The following TSHR variants were observed in gnomAD, a reference collection of about 807,000 sequenced individuals.
TSHR encodes the protein thyroid stimulating hormone receptor.
TSHR carries 51 observed loss-of-function variants against 64.1 expected under a neutral mutation model. That is an observed-to-expected ratio of 0.80 (90% CI 0.64 to 1.01). The LOEUF is 1.01. Ranked by LOEUF, TSHR falls within the 50% of genes least tolerant of loss-of-function variation. TSHR has a pLI of 0.00. For missense variants in TSHR, 877 were observed against 942.8 expected, an observed-to-expected ratio of 0.93 and a Z score of 0.91; for synonymous variants, 361 against 361.9, an observed-to-expected ratio of 1.00 and a Z score of 0.03.
intron 8 of TSHR, among the ~76,000 whole-genome samples, chr14:81,134,374 G>A (rs181881027): frequency 2.0e-5 from 3 of 152,158 alleles, no homozygotes; most frequent in Non-Finnish European, 4.4e-5. Context: ...AACCTCAGGT[G>A]ATCCACCCGC....
rs1258291030 is a variant in TSHR, at chr14:81,103,433, A to G, written c.615-4942A>G. ...TCCCCTATCATTCCACTTCATGACA[A>G]TTTACTGAAATTAGCAGATCGACCT... On this transcript the variant is annotated intron_variant, in intron 7 of 9. Coordinates refer to ENST00000298171, the MANE Select transcript of TSHR (RefSeq NM_000369.5). This position sits in a 1 kb window ranked among gnomAD's most constrained non-coding sequence, Gnocchi z 4.1. The G allele has an allele frequency of 1.0e-6, 1 of 985,310 alleles. No individual in the cohort carries two copies. The highest frequency in any genetic ancestry group is 1.2e-6 in the Non-Finnish European group (1 of 829,946). 61.0% of individuals were successfully genotyped at this position (985,310 alleles called of 1,614,324 possible). A position where few individuals can be genotyped will look rare whatever the true frequency, so the allele number is the denominator to read the frequency against.
Position 81,114,203 on chromosome 14 carries a change from G to A in TSHR, c.692+5751G>A, listed in dbSNP as rs546504643. 2.5e-4 allele frequency among the ~76,000 whole-genome samples: 38 copies of A among 151,730 alleles called. No individual in the cohort carries two copies. The East Asian group carries it at 3.9e-3, about 15-fold the overall frequency. Reference sequence around the variant, plus strand: ...AAGATGGCCGAATAGGAACAGCTCCGGTCTACAGCTCCCAGCGTCAGCGAC... The same window carrying A: ...AAGATGGCCGAATAGGAACAGCTCCAGTCTACAGCTCCCAGCGTCAGCGAC... On this transcript the variant is annotated intron_variant, in intron 8 of 9. Transcript: ENST00000298171.
Position 81,103,169 on chromosome 14 carries a change from A to C in TSHR, c.615-5206A>C. ...CTATAGGTGAAGGAAAGAAAGGTCA[A>C]GGTTCCATGGTAATAATAAAATAGT... On this transcript the variant is annotated intron_variant, in intron 7 of 9. Transcript: ENST00000298171. The surrounding 1 kb of genome is among the most constrained non-coding windows in gnomAD (Gnocchi z 4.1). 2 of 985,474 alleles carry C rather than the reference A, an allele frequency of 2.0e-6. No individual in the cohort carries two copies. The highest frequency in any genetic ancestry group is 2.4e-6 in the Non-Finnish European group (2 of 829,940). 61.0% of individuals were successfully genotyped at this position (985,474 alleles called of 1,614,324 possible). A position where few individuals can be genotyped will look rare whatever the true frequency, so the allele number is the denominator to read the frequency against.
chr14:81,088,802 T>G (rs978983918), intron 4 of TSHR, among the ~76,000 whole-genome samples: 65 of 152,268 alleles, frequency 4.3e-4, no homozygotes, highest in African/African-American at 1.4e-3. Context: ...TTCATCTTCA[T>G]CCAGACCTTC....
At chr14:80,993,613 TAATG>T (rs1174366248) in intron 1 of TSHR, 2 of 152,160 alleles carry the variant, frequency 1.3e-5, no homozygotes, top group Admixed American at 1.3e-4. Context: ...AAAACAAAAA[TAATG>T]TAAGGGCAAA....
rs565306359 is a variant in TSHR at position 81,026,992 on chromosome 14, C to T, written c.171-35156C>T. 2.2e-3 allele frequency among the ~76,000 whole-genome samples: 331 copies of T among 149,600 alleles called. 1 individual carries two copies. The highest frequency in any genetic ancestry group is 3.8e-3 in the Non-Finnish European group (254 of 67,612). ...CGGAGGTTGCAGTGAGCCAAGATCA[C>T]GCCACTGCACTCCAGCCTGGGCAAC... On this transcript the variant is annotated intron_variant, in intron 1 of 9. Transcript: ENST00000298171.
chr14:81,025,407 T>C (rs1293434670), intron 1 of TSHR, among the ~76,000 whole-genome samples: 1 of 152,146 alleles, frequency 6.6e-6, no homozygotes, highest in Non-Finnish European at 1.5e-5. Context: ...AAAGATAGAC[T>C]TGAACCCTAA....
chr14:80,994,178 T>G (rs1888885812), intron 1 of TSHR: 1 of 152,190 alleles, frequency 6.6e-6, no homozygotes, highest in Admixed American at 6.5e-5. Flanking sequence ...TTTCTTTTTT[T>G]TTCTAGCTTA....
At chr14:81,017,064 TAAC>T (rs1312092505) in intron 1 of TSHR, among the ~76,000 whole-genome samples, 1 of 152,202 alleles carries the variant, frequency 6.6e-6, no homozygotes, top group African/African-American at 2.4e-5. Context: ...AATGGGATAT[TAAC>T]ACATTTATGC....
At position 81,038,048 on chromosome 14, in the gene TSHR, C is replaced by T. The variant is rs184557342; in HGVS notation, c.171-24100C>T. Among the ~76,000 whole-genome samples the T allele has an allele frequency of 4.4e-3, 665 of 151,968 alleles. 9 individuals are homozygous for T. Among genetic ancestry groups the T allele is most frequent in the African/African-American group, 0.015 (641 of 41,502 alleles). On this transcript the variant is annotated intron_variant, in intron 1 of 9. Transcript: ENST00000298171. Reference sequence around the variant, plus strand: ...AGAATACACATTTTTCTCAAAAGTACATTGAATTTTCTCCAGAATAGATTA... The same window carrying T: ...AGAATACACATTTTTCTCAAAAGTATATTGAATTTTCTCCAGAATAGATTA...
intron 1 of TSHR, among the ~76,000 whole-genome samples, chr14:80,985,559 T>C (rs1203081530): frequency 6.6e-6 from 1 of 152,250 alleles, no homozygotes; most frequent in Non-Finnish European, 1.5e-5. Flanking sequence ...CCAGAAAGCA[T>C]GCCCAGGACG....
At chr14:81,072,996 CA>C (rs1212879309) in intron 3 of TSHR, among the ~76,000 whole-genome samples, 201 of 7,524 alleles carry the variant, frequency 0.027, 51 homozygotes, top group African/African-American at 0.099. Flanking sequence ...GACTCCGTCT[CA>C]AAAAAAAAAA....
chr14:80,984,759 T>G (rs1471288783), intron 1 of TSHR, among the ~76,000 whole-genome samples: 2 of 152,076 alleles, frequency 1.3e-5, no homozygotes, highest in African/African-American at 4.8e-5. Flanking sequence ...CTGAGATGAG[T>G]AGATGGATTT....
At chr14:81,024,462 T>G (rs1425369425) in intron 1 of TSHR, among the ~76,000 whole-genome samples, 1 of 152,156 alleles carries the variant, frequency 6.6e-6, no homozygotes, top group Non-Finnish European at 1.5e-5. Flanking sequence ...TTGGCCAGGA[T>G]GGTCTCGATC....
intron 1 of TSHR, chr14:81,049,697 T>A (rs1388173602): frequency 2.0e-5 from 3 of 152,148 alleles, no homozygotes; most frequent in African/African-American, 2.4e-5. Flanking sequence ...TGAATTGTAA[T>A]CCCCACGTGT....
intron 2 of TSHR, among the ~76,000 whole-genome samples, chr14:81,064,749 T>A (rs1184594493): frequency 6.6e-6 from 1 of 151,728 alleles, no homozygotes; most frequent in Non-Finnish European, 1.5e-5. Flanking sequence ...AGGGGAGAGA[T>A]TCAGGTAGAG....
chr14:80,955,786 G>C lies in TSHR; in HGVS notation c.106G>C (p.Asp36His), dbSNP rs61747482. The C allele has an allele frequency of 7.0e-3, 11,249 of 1,614,204 alleles. 47 individuals carry two copies. The highest frequency in any genetic ancestry group is 8.7e-3 in the Non-Finnish European group (10,235 of 1,180,040). ...ACCCTGCGAGTGCCATCAGGAGGAG[G>C]ACTTCAGAGTCACCTGCAAGGATAT... Reference protein sequence around the residue: ...SPPCECHQEEDFRVTCKDIQR... With the variant: ...SPPCECHQEEHFRVTCKDIQR... The change falls in exon 1 of 10, where the codon GAC becomes CAC. Residue 36 changes from aspartate to histidine, a missense_variant. Physicochemically the swap from Asp to His is moderately conservative, Grantham distance 81. Transcript: ENST00000298171.
chr14:81,037,671 G>A (rs1884714125), intron 1 of TSHR, among the ~76,000 whole-genome samples: 1 of 151,992 alleles, frequency 6.6e-6, no homozygotes. Flanking sequence ...GCAAATGGAA[G>A]CCAAAAGACT....
intron 1 of TSHR, among the ~76,000 whole-genome samples, chr14:80,985,021 C>T (rs1350323121): frequency 1.3e-5 from 2 of 152,262 alleles, no homozygotes; most frequent in African/African-American, 4.8e-5. Flanking sequence ...GAAGCCGAGG[C>T]GGGTGGATCA....
Sources: allele counts gnomAD v4.1 joint callset (sites outside exome capture counted in the v4.1 genomes callset), GRCh38; gene constraint gnomAD v4.1.1; non-coding constraint Gnocchi (gnomAD v3.1); transcripts MANE v1.5; gene names NCBI Gene and HGNC (gene_info 2026-07-23, HGNC 2026-07-21).